SLC47A1: variants seen among roughly 807,000 people sequenced by gnomAD.
The protein encoded by SLC47A1 is multidrug and toxin extrusion protein 1.
A neutral mutation model predicts 65.8 loss-of-function variants in SLC47A1; 58 were observed. That is an observed-to-expected ratio of 0.88 (90% CI 0.71 to 1.10). SLC47A1 has a LOEUF of 1.10. Among genes scored for constraint, SLC47A1 ranks in the 50% least tolerant of loss-of-function variants. The pLI is 0.00. For synonymous variants in SLC47A1, 285 were observed against 295.0 expected (o/e 0.97, Z 0.35); for missense variants, 706 against 719.2 (o/e 0.98, Z 0.21).
chr17:19,571,935 G>C (rs146446026), intron 15 of SLC47A1, among the ~76,000 whole-genome samples: 2 of 152,178 alleles, frequency 1.3e-5, no homozygotes, highest in East Asian at 3.9e-4. Flanking sequence ...TAAGATACTT[G>C]TGTGCATCCT....
rs749654482 is a variant in SLC47A1 at position 19,556,013 on chromosome 17, A to T, written c.872A>T (p.Glu291Val). 1.9e-5 allele frequency: 30 copies of T among 1,614,012 alleles called. No individual in the cohort carries two copies. The East Asian group carries it at 5.8e-4, about 31-fold the overall frequency. ...TCACCAGGCATCCTCGGCATGGTGG[A>T]GCTGGGCGCTCAGTCCATCGTGTAT... is the stretch of plus-strand genomic sequence containing the variant. ...SFLSGILGMV[E>V]LGAQSIVYEL... Residue 291 changes from glutamate (E) to valine (V), a missense_variant, in exon 10 of 17, where the codon GAG (glutamate) becomes GTG (valine). By Grantham distance (121) the Glu-to-Val change is moderately radical. Transcript: ENST00000270570.
rs189947082 is a variant in SLC47A1, at chr17:19,556,145, A to G, written c.921+83A>G. 828 of 1,451,602 alleles carry G rather than the reference A, an allele frequency of 5.7e-4. 4 individuals carry two copies. In the African/African-American group the frequency reaches 9.4e-3, roughly 16 times the overall value. The allele number at this position is 1,451,602 out of a possible 1,614,324, so 89.9% of individuals were successfully genotyped here. The stretch of plus-strand genomic sequence containing the variant: ...AAAGAGTCTATGGATGAGCACAGGC[A>G]TTCGTACATGAATCATTTGTGAAAT... On this transcript the variant is annotated intron_variant, in intron 10 of 16. Transcript: ENST00000270570.
intron 12 of SLC47A1, chr17:19,564,729 CT>C (rs1426766016): frequency 2.0e-5 from 3 of 151,952 alleles, no homozygotes; most frequent in East Asian, 1.9e-4. Context: ...CTTTTCTTTT[CT>C]TTTTTTTGAG....
chr17:19,551,482 T>C lies in SLC47A1; in HGVS notation c.543+14T>C. 1.2e-6 allele frequency: 2 copies of C among 1,607,668 alleles called. No homozygotes were observed. Among genetic ancestry groups the C allele is most frequent in the Non-Finnish European group, 1.7e-6 (2 of 1,174,150 alleles). ...TTGCTCAACCAGGTAATACTGACTG[T>C]TCTCTTCCTTTGGGAGGCTAATGGG... On this transcript the variant is annotated intron_variant, in intron 6 of 16. Coordinates refer to ENST00000270570, the MANE Select transcript of SLC47A1 (RefSeq NM_018242.3).
intron 10 of SLC47A1, chr17:19,557,413 TA>T: frequency 3.3e-6 from 1 of 305,260 alleles, no homozygotes. Context: ...AGGATTCCAC[TA>T]TATGTGATAT....
chr17:19,572,131 G>A (rs2084404442), intron 15 of SLC47A1, among the ~76,000 whole-genome samples: 1 of 152,110 alleles, frequency 6.6e-6, no homozygotes, highest in Non-Finnish European at 1.5e-5. Flanking sequence ...CCTGAGTGAT[G>A]GAGCGAGACC....
chr17:19,577,732 A>T lies in SLC47A1; in HGVS notation c.*179A>T, dbSNP rs1426632862. On this transcript the variant is annotated 3_prime_UTR_variant, in exon 17 of 17. Coordinates refer to ENST00000270570, the MANE Select transcript of SLC47A1 (RefSeq NM_018242.3). ...GAAAAAGCAACTAAGGTTAAAAGCTATATTGTGGCCCAAGACACTGTCTGA... is the reference window on the plus strand; with the variant it reads ...GAAAAAGCAACTAAGGTTAAAAGCTTTATTGTGGCCCAAGACACTGTCTGA... 7.0e-7 allele frequency: 1 copy of T among 1,422,396 alleles called. No homozygotes were observed. The highest frequency in any genetic ancestry group is 9.1e-7 in the Non-Finnish European group (1 of 1,094,480). The allele number at this position is 1,422,396 out of a possible 1,614,324, so 88.1% of individuals were successfully genotyped here. A position where few individuals can be genotyped will look rare whatever the true frequency, so the allele number is the denominator to read the frequency against.
chr17:19,548,756 T>C (rs1916364741), intron 4 of SLC47A1, among the ~76,000 whole-genome samples: 1 of 152,166 alleles, frequency 6.6e-6, no homozygotes, highest in African/African-American at 2.4e-5. Flanking sequence ...CGCCTCGGCC[T>C]CCCAAAGTGC....
chr17:19,553,545 CTTTT>C (rs144325967), intron 6 of SLC47A1, among the ~76,000 whole-genome samples: 55,930 of 133,370 alleles, frequency 0.42, 11,105 homozygotes, highest in Middle Eastern at 0.57. Flanking sequence ...TTCTTTCTTC[CTTTT>C]TTTTTTTTTT....
intron 4 of SLC47A1, 108 bp from the exon 5 acceptor site, chr17:19,549,527 C>T: frequency 3.3e-6 from 4 of 1,199,344 alleles, no homozygotes; most frequent in Non-Finnish European, 4.9e-6. Context: ...AATCTGGAAA[C>T]AGCCAAGAAT....
Position 19,546,622 on chromosome 17 carries a change from G to A in SLC47A1, c.306+119G>A, listed in dbSNP as rs1597496537. 5 of 876,958 alleles carry A rather than the reference G, an allele frequency of 5.7e-6. No homozygotes were observed. The East Asian group carries it at 1.3e-4, about 23-fold the overall frequency. 54.3% of individuals were successfully genotyped at this position (876,958 alleles called of 1,614,324 possible). A position where few individuals can be genotyped will look rare whatever the true frequency, so the allele number is the denominator to read the frequency against. ...CAGCACTTGCAGCACCTATCAGCCA[G>A]CAACTCCTCTTCTCCTGGCCTGCTT... On this transcript the variant is annotated intron_variant, in intron 3 of 16. Coordinates refer to ENST00000270570, the MANE Select transcript of SLC47A1 (RefSeq NM_018242.3).
intron 16 of SLC47A1, 45 bp from the exon 17 acceptor site, chr17:19,577,282 A>G: frequency 6.3e-7 from 1 of 1,589,390 alleles, no homozygotes; most frequent in Non-Finnish European, 8.5e-7. Context: ...ATAAAAATGA[A>G]AAAAAAAATC....
intron 13 of SLC47A1, 89 bp downstream of exon 13, chr17:19,566,948 G>A: frequency 6.3e-7 from 1 of 1,585,722 alleles, no homozygotes. Context: ...GCATAGGTAG[G>A]AAGATTGAAT....
intron 6 of SLC47A1, among the ~76,000 whole-genome samples, chr17:19,554,865 A>G (rs1916557629): frequency 6.6e-6 from 1 of 152,158 alleles, no homozygotes; most frequent in African/African-American, 2.4e-5. Context: ...ATTTTCTCCT[A>G]TCGTCCAGTG....
At chr17:19,554,843 G>C (rs1916557194) in intron 6 of SLC47A1, among the ~76,000 whole-genome samples, 1 of 152,178 alleles carries the variant, frequency 6.6e-6, no homozygotes, top group Admixed American at 6.5e-5. Context: ...TTTTGGTGAA[G>C]AAAGTATTCT....
At chr17:19,549,730 T>A in intron 5 of SLC47A1, 53 bp downstream of exon 5, 1 of 1,576,686 alleles carries the variant, frequency 6.3e-7, no homozygotes. Context: ...GGGTGAAAGG[T>A]AGCCACCATA....
At chr17:19,534,124 T>C in intron 1 of SLC47A1, 50 bp downstream of exon 1, 1 of 1,463,372 alleles carries the variant, frequency 6.8e-7, no homozygotes, top group Non-Finnish European at 9.1e-7. Context: ...GCTGGGGACC[T>C]GGTGATTTCT....
At chr17:19,546,339 G>A in intron 2 of SLC47A1, 96 bp from the exon 3 acceptor site, 1 of 1,234,350 alleles carries the variant, frequency 8.1e-7, no homozygotes, top group Non-Finnish European at 1.2e-6. Context: ...GAATGCTGAA[G>A]GAGGAGCTTT....
intron 1 of SLC47A1, among the ~76,000 whole-genome samples, chr17:19,539,465 T>C (rs996729461): frequency 6.6e-6 from 1 of 151,400 alleles, no homozygotes; most frequent in Non-Finnish European, 1.5e-5. Flanking sequence ...GAAATGAAGA[T>C]TCCTCAGCCC....
Sources: gnomAD v4.1 joint callset for allele counts (sites outside exome capture counted in the v4.1 genomes callset) on GRCh38, gnomAD v4.1.1 for gene constraint, MANE v1.5 for transcripts, NCBI Gene and HGNC (gene_info 2026-07-23, HGNC 2026-07-21) for gene names.